The following PTPRG variants were observed in gnomAD, a reference collection of about 807,000 sequenced individuals.
PTPRG encodes the protein protein tyrosine phosphatase receptor type G.
In PTPRG, 102 loss-of-function variants were observed where a neutral mutation model predicts 165.3. The observed-to-expected ratio is 0.62, with a 90% CI of 0.53 to 0.73. The LOEUF (loss-of-function observed/expected upper bound fraction) is 0.73. Among genes scored for constraint, PTPRG ranks in the 30% least tolerant of loss-of-function variants. The pLI, the probability that PTPRG is intolerant of heterozygous loss-of-function variation, is 0.00. For missense variants in PTPRG, 1,866 were observed against 1,861.4 expected (o/e 1.00, Z -0.05); for synonymous variants, 675 against 669.5 (o/e 1.01, Z -0.13).
chr3:62,017,377 ATGC>A (rs1421127917), intron 4 of PTPRG, among the ~76,000 whole-genome samples: 4 of 152,074 alleles, frequency 2.6e-5, no homozygotes, highest in Admixed American at 6.5e-5. Context: ...CTCTTGCCTC[ATGC>A]TGTGAGGCTA....
At chr3:62,234,915 C>T (rs1316452429) in intron 14 of PTPRG, among the ~76,000 whole-genome samples, 2 of 150,930 alleles carry the variant, frequency 1.3e-5, no homozygotes, top group Non-Finnish European at 2.9e-5. Flanking sequence ...CCTGGTTGAT[C>T]GTGTGATGTC....
chr3:61,683,464 C>G (rs985360091), intron 1 of PTPRG, among the ~76,000 whole-genome samples: 2 of 152,108 alleles, frequency 1.3e-5, no homozygotes, highest in Non-Finnish European at 2.9e-5. Flanking sequence ...ATAGGTGGTT[C>G]CCATACTATT....
At chr3:61,787,182 G>A (rs942313517) in intron 2 of PTPRG, among the ~76,000 whole-genome samples, 3 of 152,032 alleles carry the variant, frequency 2.0e-5, no homozygotes, top group Admixed American at 6.6e-5. Flanking sequence ...TCTTCTCTCC[G>A]TCCTAACCCC....
intron 1 of PTPRG, among the ~76,000 whole-genome samples, chr3:61,678,118 G>T (rs964410026): frequency 1.3e-5 from 2 of 152,134 alleles, no homozygotes; most frequent in African/African-American, 4.8e-5. Context: ...GGATCATCCA[G>T]CTCAGCTCGT....
Position 61,894,301 on chromosome 3 carries a change from C to CAAAAAAAAA in PTPRG, c.191-95299_191-95291dup, listed in dbSNP as rs767479285. Among the ~76,000 whole-genome samples, 188 of 49,840 alleles carry CAAAAAAAAA rather than the reference C, an allele frequency of 3.8e-3. 29 individuals carry two copies. Among genetic ancestry groups the CAAAAAAAAA allele is most frequent in the African/African-American group, 8.6e-3 (130 of 15,090 alleles). The allele number at this position is 49,840 out of a possible 152,430, so 32.7% of individuals were successfully genotyped here. ...CGGGCAACAGAGCAAGACTCTGTGT[C>CAAAAAAAAA]AAAAAAAAAAAAAAAAAAAAAAAAA... On this transcript the variant is annotated intron_variant, in intron 2 of 29. Transcript: ENST00000474889.
chr3:62,181,375 C>T (rs909089582), intron 8 of PTPRG, among the ~76,000 whole-genome samples: 1 of 152,160 alleles, frequency 6.6e-6, no homozygotes, highest in Non-Finnish European at 1.5e-5. Flanking sequence ...CACTAGTTTC[C>T]TTCCCAGTTT....
At chr3:62,154,514 A>G (rs1050282640) in intron 6 of PTPRG, among the ~76,000 whole-genome samples, 3 of 152,300 alleles carry the variant, frequency 2.0e-5, no homozygotes, top group African/African-American at 4.8e-5. Context: ...GAGAACTTAC[A>G]TAAGAGTCCG....
At chr3:61,570,426 G>A (rs1183232260) in intron 1 of PTPRG, among the ~76,000 whole-genome samples, 1 of 152,162 alleles carries the variant, frequency 6.6e-6, no homozygotes, top group African/African-American at 2.4e-5. Context: ...ATAGTTCATG[G>A]AATATGTAAC....
intron 1 of PTPRG, among the ~76,000 whole-genome samples, chr3:61,581,260 T>C (rs1700286643): frequency 6.6e-6 from 1 of 152,196 alleles, no homozygotes; most frequent in Non-Finnish European, 1.5e-5. Context: ...CAGGGTTTGT[T>C]TTTGTCTTTC....
intron 4 of PTPRG, among the ~76,000 whole-genome samples, chr3:62,024,472 T>A (rs903259012): frequency 8.5e-5 from 13 of 152,340 alleles, no homozygotes; most frequent in African/African-American, 3.1e-4. Context: ...TTGACACTGC[T>A]ACTGTGATTA....
At chr3:62,135,524 C>T (rs1434770111) in intron 6 of PTPRG, among the ~76,000 whole-genome samples, 1 of 151,994 alleles carries the variant, frequency 6.6e-6, no homozygotes, top group Non-Finnish European at 1.5e-5. Flanking sequence ...ATGTTAATTT[C>T]TCATTAATTT....
At chr3:62,001,455 A>G (rs1283705551) in intron 3 of PTPRG, among the ~76,000 whole-genome samples, 1 of 152,174 alleles carries the variant, frequency 6.6e-6, no homozygotes, top group Non-Finnish European at 1.5e-5. Flanking sequence ...TGGATGCAAA[A>G]TGTTATGTAT....
chr3:61,631,853 C>T (rs1321556837), intron 1 of PTPRG, among the ~76,000 whole-genome samples: 1 of 152,066 alleles, frequency 6.6e-6, no homozygotes, highest in African/African-American at 2.4e-5. Context: ...AGATGTGGAA[C>T]CTCCCTTCAA....
intron 1 of PTPRG, among the ~76,000 whole-genome samples, chr3:61,746,595 G>A (rs2033216368): frequency 6.6e-6 from 1 of 151,930 alleles, no homozygotes; most frequent in Non-Finnish European, 1.5e-5. Flanking sequence ...CACCCCCCGA[G>A]GCTTCCACTT....
chr3:62,149,867 C>G (rs944686605), intron 6 of PTPRG, among the ~76,000 whole-genome samples: 1 of 152,172 alleles, frequency 6.6e-6, no homozygotes, highest in Non-Finnish European at 1.5e-5. Flanking sequence ...TTTTTTCCCC[C>G]CCTCAATCCT....
intron 9 of PTPRG, 117 bp from the exon 10 acceptor site, chr3:62,194,945 A>G: frequency 1.1e-6 from 1 of 922,500 alleles, no homozygotes; most frequent in African/African-American, 1.6e-5. Flanking sequence ...GCCTTTGGTC[A>G]GCAGGGAAGC....
intron 1 of PTPRG, among the ~76,000 whole-genome samples, chr3:61,617,536 C>T (rs990063594): frequency 6.6e-6 from 1 of 152,190 alleles, no homozygotes; most frequent in East Asian, 1.9e-4. Flanking sequence ...GCCTTCATTT[C>T]TTTCTTCCTG....
intron 2 of PTPRG, among the ~76,000 whole-genome samples, chr3:61,848,128 G>A (rs2036856782): frequency 6.6e-6 from 1 of 152,224 alleles, no homozygotes; most frequent in African/African-American, 2.4e-5. Flanking sequence ...CAATTCTCAT[G>A]CACACTTTGC....
chr3:61,614,652 T>A (rs1402691480), intron 1 of PTPRG, among the ~76,000 whole-genome samples: 1 of 152,158 alleles, frequency 6.6e-6, no homozygotes, highest in Non-Finnish European at 1.5e-5. Flanking sequence ...ATTCAAGCAA[T>A]CCACCCGCTT....
Sources: gnomAD v4.1 joint callset for allele counts (sites outside exome capture counted in the v4.1 genomes callset) on GRCh38, gnomAD v4.1.1 for gene constraint, MANE v1.5 for transcripts, NCBI Gene and HGNC (gene_info 2026-07-23, HGNC 2026-07-21) for gene names.